NSUN7: variants seen among roughly 807,000 people sequenced by gnomAD.
NSUN7 encodes NOP2/Sun RNA methyltransferase family member 7, also known as protein NSUN7.
Under a neutral mutation model 58.5 loss-of-function variants are expected in NSUN7, and 39 were observed. That is an observed-to-expected ratio of 0.67 (90% CI 0.52 to 0.87). The LOEUF (loss-of-function observed/expected upper bound fraction) is 0.87, where lower values mean the gene tolerates loss of function less well. Ranked by LOEUF, NSUN7 falls within the 40% of genes least tolerant of loss-of-function variation. The pLI is 0.00. For synonymous variants in NSUN7, 278 were observed against 303.7 expected (o/e 0.92, Z 0.88); for missense variants, 765 against 844.1 (o/e 0.91, Z 1.16).
At chr4:40,800,118 T>C (rs747729116) in intron 10 of NSUN7, among the ~76,000 whole-genome samples, 2 of 152,232 alleles carry the variant, frequency 1.3e-5, no homozygotes, top group Non-Finnish European at 2.9e-5. Context: ...CTTATAAACC[T>C]GTTTTCCCAC....
chr4:40,778,302 C>T (rs1384960543), intron 7 of NSUN7, among the ~76,000 whole-genome samples: 2 of 152,350 alleles, frequency 1.3e-5, no homozygotes, highest in African/African-American at 4.8e-5. Flanking sequence ...GGATGAAAGA[C>T]ATTAAGCCAC....
At chr4:40,790,082 T>TTTTTTTC (rs1553919190) in intron 7 of NSUN7, among the ~76,000 whole-genome samples, 1 of 137,242 alleles carries the variant, frequency 7.3e-6, no homozygotes, top group Non-Finnish European at 1.6e-5. Context: ...TTTTTTTTTT[T>TTTTTTTC]CTGGAGAGAA....
intron 7 of NSUN7, among the ~76,000 whole-genome samples, chr4:40,779,689 G>A (rs905891236): frequency 6.6e-6 from 1 of 152,126 alleles, no homozygotes; most frequent in African/African-American, 2.4e-5. Flanking sequence ...AAATCTAAAT[G>A]ATTATAATCT....
In NSUN7 at chr4:40,808,939, A is replaced by AT. The variant is rs1249393328; in HGVS notation, c.*2dup. 3.6e-5 allele frequency: 55 copies of AT among 1,512,688 alleles called. No homozygotes were observed. The highest frequency in any genetic ancestry group is 4.2e-5 in the Non-Finnish European group (48 of 1,132,588). The allele number at this position is 1,512,688 out of a possible 1,614,324, so 93.7% of individuals were successfully genotyped here. A position where few individuals can be genotyped will look rare whatever the true frequency, so the allele number is the denominator to read the frequency against. On this transcript the variant is annotated 3_prime_UTR_variant, in exon 12 of 12. Transcript: ENST00000381782. ...TCAGGCCTCCTCGGCGATGGCTTTG[A>AT]TTGTCTTGTGTTTTTTATAGGGGCC...
At chr4:40,802,478 A>C (rs1435174292) in intron 10 of NSUN7, among the ~76,000 whole-genome samples, 1 of 152,176 alleles carries the variant, frequency 6.6e-6, no homozygotes, top group African/African-American at 2.4e-5. Flanking sequence ...AGGTCCCTTG[A>C]TGAGCTAGGT....
At chr4:40,752,296 G>A (rs1267619463) in intron 2 of NSUN7, among the ~76,000 whole-genome samples, 1 of 152,200 alleles carries the variant, frequency 6.6e-6, no homozygotes, top group Non-Finnish European at 1.5e-5. Context: ...ACTCAGTTCA[G>A]CCAGATGCGG....
chr4:40,754,585 G>A (rs1741045974), intron 2 of NSUN7, among the ~76,000 whole-genome samples: 1 of 152,142 alleles, frequency 6.6e-6, no homozygotes, highest in South Asian at 2.1e-4. Flanking sequence ...TAAGTTCAAG[G>A]AATAATGATT....
chr4:40,780,853 T>G (rs1742529488), intron 7 of NSUN7, among the ~76,000 whole-genome samples: 1 of 135,942 alleles, frequency 7.4e-6, no homozygotes, highest in African/African-American at 2.8e-5. Flanking sequence ...GGTGTCTCGC[T>G]CTGTCGCCCA....
At chr4:40,792,792 T>A (rs1269284094) in intron 8 of NSUN7, among the ~76,000 whole-genome samples, 1 of 150,708 alleles carries the variant, frequency 6.6e-6, no homozygotes. Flanking sequence ...GTAAGCGGGC[T>A]TTTGAAGGAA....
Position 40,798,775 on chromosome 4 carries a change from C to T in NSUN7, c.1283-12C>T. ...ATAGTTGTTACAGTCATTGCATCTTCTTCTAATATAGTTACTAAAGCTCAA... is the reference window on the plus strand; with the variant it reads ...ATAGTTGTTACAGTCATTGCATCTTTTTCTAATATAGTTACTAAAGCTCAA... On this transcript the variant is annotated splice_polypyrimidine_tract_variant and intron_variant, in intron 9 of 11. Transcript: ENST00000381782. The T allele has an allele frequency of 6.8e-7, 1 of 1,473,436 alleles. No individual in the cohort carries two copies. The highest frequency in any genetic ancestry group is 1.2e-5 in the South Asian group (1 of 86,036). 91.3% of individuals were successfully genotyped at this position (1,473,436 alleles called of 1,614,324 possible).
intron 11 of NSUN7, 127 bp from the exon 12 acceptor site, chr4:40,808,180 A>C (rs1476467042): frequency 5.4e-6 from 6 of 1,116,644 alleles, no homozygotes; most frequent in Non-Finnish European, 7.5e-6. Flanking sequence ...AGGCCTAAAA[A>C]CTATTTCTTA....
At chr4:40,781,370 C>T (rs889334964) in intron 7 of NSUN7, among the ~76,000 whole-genome samples, 3 of 152,080 alleles carry the variant, frequency 2.0e-5, no homozygotes, top group Non-Finnish European at 4.4e-5. Context: ...ATACATTAAA[C>T]ACATTTAAAA....
Position 40,770,070 on chromosome 4 carries a change from C to T in NSUN7, c.489-4195C>T, listed in dbSNP as rs184608904. On this transcript the variant is annotated intron_variant, in intron 4 of 11. Transcript: ENST00000381782. The stretch of plus-strand genomic sequence containing the variant: ...TACTAAAAATACAAAATTAGTCAGG[C>T]GTGGTGGTGCATGCCTGTAATCCTA... Among the ~76,000 whole-genome samples, 104 of 152,144 alleles carry T rather than the reference C, an allele frequency of 6.8e-4. 2 individuals are homozygous for T. In the East Asian group the frequency reaches 0.018, roughly 26 times the overall value.
intron 4 of NSUN7, among the ~76,000 whole-genome samples, chr4:40,764,598 A>C (rs141497389): frequency 0.29 from 43,758 of 151,762 alleles, 6,614 homozygotes; most frequent in Non-Finnish European, 0.33. Flanking sequence ...TATACCCAGT[A>C]ACGGGATAGC....
intron 7 of NSUN7, 145 bp downstream of exon 7, chr4:40,776,404 A>C: frequency 5.4e-6 from 3 of 558,968 alleles, no homozygotes; most frequent in Non-Finnish European, 9.2e-6. Context: ...TCTATGTCTT[A>C]TCAGGCTGTC....
intron 4 of NSUN7, among the ~76,000 whole-genome samples, chr4:40,764,390 C>T (rs1741611014): frequency 6.6e-6 from 1 of 151,854 alleles, no homozygotes; most frequent in Non-Finnish European, 1.5e-5. Context: ...TCATCCATGT[C>T]CCTACAAAGA....
chr4:40,806,184 G>A (rs564762220), intron 10 of NSUN7, among the ~76,000 whole-genome samples: 50 of 152,116 alleles, frequency 3.3e-4, no homozygotes, highest in Admixed American at 2.4e-3. Flanking sequence ...TAGCAGAGAC[G>A]GGGTTTCACC....
chr4:40,756,514 G>A (rs893230046), intron 2 of NSUN7, among the ~76,000 whole-genome samples: 6 of 152,138 alleles, frequency 3.9e-5, no homozygotes, highest in Non-Finnish European at 7.4e-5. Context: ...AGGCATTATC[G>A]GTGTGGTGTA....
intron 8 of NSUN7, among the ~76,000 whole-genome samples, chr4:40,792,669 T>A (rs1198198834): frequency 6.6e-6 from 1 of 152,030 alleles, no homozygotes; most frequent in Non-Finnish European, 1.5e-5. Context: ...GAGAATGGCT[T>A]GAACCCCGGG....
Sources: gnomAD v4.1 joint callset for allele counts (sites outside exome capture counted in the v4.1 genomes callset) on GRCh38, gnomAD v4.1.1 for gene constraint, MANE v1.5 for transcripts, NCBI Gene and HGNC (gene_info 2026-07-23, HGNC 2026-07-21) for gene names.